TRAPPC11: variants seen among roughly 807,000 people sequenced by gnomAD.
TRAPPC11 encodes the protein foie gras homolog.
In TRAPPC11, 104 loss-of-function variants were observed where a neutral mutation model predicts 151.2. That is an observed-to-expected ratio of 0.69 (90% CI 0.59 to 0.81). The LOEUF (loss-of-function observed/expected upper bound fraction) is 0.81. Among genes scored for constraint, TRAPPC11 ranks in the 30% least tolerant of loss-of-function variants. The pLI is 0.00. For synonymous variants in TRAPPC11, 456 were observed against 472.3 expected, an observed-to-expected ratio of 0.97 and a Z score of 0.45; for missense variants, 1,230 against 1,349.6, an observed-to-expected ratio of 0.91 and a Z score of 1.39.
At position 183,686,610 on chromosome 4, in the gene TRAPPC11, A is replaced by G. The variant is rs1164079652; in HGVS notation, c.1763-8A>G. 1.4e-5 allele frequency: 23 copies of G among 1,613,082 alleles called. No homozygotes were observed. Among genetic ancestry groups the G allele is most frequent in the Non-Finnish European group, 1.9e-5 (22 of 1,179,620 alleles). On this transcript the variant is annotated splice_region_variant and splice_polypyrimidine_tract_variant and intron_variant, in intron 17 of 29. Coordinates refer to ENST00000334690, the MANE Select transcript of TRAPPC11 (RefSeq NM_021942.6). The stretch of plus-strand genomic sequence containing the variant: ...GTGCATAACACAGCCCTTTTGTTTT[A>G]TTTCTAGTGCAGTGCAAAGCCAAGT...
intron 25 of TRAPPC11, among the ~76,000 whole-genome samples, chr4:183,698,564 C>A (rs940869076): frequency 1.3e-5 from 2 of 152,178 alleles, no homozygotes; most frequent in East Asian, 3.8e-4. Flanking sequence ...TTCCTTTCAT[C>A]ACTTCTTAGA....
chr4:183,693,857 T>G, intron 21 of TRAPPC11, 60 bp from the exon 22 acceptor site: 2 of 1,602,458 alleles, frequency 1.2e-6, no homozygotes, highest in Non-Finnish European at 1.7e-6. Context: ...TCACACAGTA[T>G]TGATTATTGG....
At chr4:183,702,924 G>A (rs1468892711) in intron 26 of TRAPPC11, among the ~76,000 whole-genome samples, 1 of 152,146 alleles carries the variant, frequency 6.6e-6, no homozygotes, top group East Asian at 1.9e-4. Context: ...AGATCTGAAT[G>A]TTATGGCTGT....
In TRAPPC11 at chr4:183,684,135, T is replaced by G; in HGVS notation, c.1288-10T>G. ...TATTGAAATGTTTCACACTCTACTT[T>G]TTCTAATAGGAGATAATCATAACTC... On this transcript the variant is annotated splice_polypyrimidine_tract_variant and intron_variant, in intron 12 of 29. Coordinates refer to ENST00000334690, the MANE Select transcript of TRAPPC11 (RefSeq NM_021942.6). The G allele has an allele frequency of 6.2e-7, 1 of 1,612,576 alleles. No homozygotes were observed. The highest frequency in any genetic ancestry group is 8.5e-7 in the Non-Finnish European group (1 of 1,178,762).
rs1282998033 is a variant in TRAPPC11, at chr4:183,712,591, A to T, written c.3358-9A>T. 2 of 1,613,776 alleles carry T rather than the reference A, an allele frequency of 1.2e-6. No individual in the cohort carries two copies. The highest frequency in any genetic ancestry group is 1.7e-6 in the Non-Finnish European group (2 of 1,179,896). ...TTTGTAAACCCACTTTGTTTTTCCC[A>T]CTTTAAAGCCACAGGGTCGACTCAT... On this transcript the variant is annotated splice_polypyrimidine_tract_variant and intron_variant, in intron 29 of 29. Coordinates refer to ENST00000334690, the MANE Select transcript of TRAPPC11 (RefSeq NM_021942.6).
intron 29 of TRAPPC11, among the ~76,000 whole-genome samples, chr4:183,710,604 T>C (rs1737296182): frequency 6.6e-6 from 1 of 151,726 alleles, no homozygotes; most frequent in Admixed American, 6.6e-5. Flanking sequence ...TTAACATGAC[T>C]AGCATGCCCT....
At position 183,684,815 on chromosome 4, in the gene TRAPPC11, C is replaced by G. The variant is rs750015694; in HGVS notation, c.1541C>G (p.Thr514Ser). The G allele has an allele frequency of 6.2e-7, 1 of 1,613,774 alleles. No individual in the cohort carries two copies. ...YLMAQLKDYI[T>S]YSLELLGRAS... ...ATGGCCCAATTAAAGGATTACATTA[C>G]TTACTCCCTAGAACTCCTTGGTAGA... is the stretch of plus-strand genomic sequence containing the variant. The change falls in exon 15 of 30, where the codon ACT becomes AGT. Residue 514 changes from threonine to serine, a missense_variant. Thr to Ser is a moderately conservative substitution (Grantham distance 58). Coordinates refer to ENST00000334690, the MANE Select transcript of TRAPPC11 (RefSeq NM_021942.6).
intron 10 of TRAPPC11, 147 bp downstream of exon 10, chr4:183,680,414 CTT>C (rs1032662881): frequency 1.1e-5 from 10 of 929,246 alleles, no homozygotes; most frequent in Non-Finnish European, 1.3e-5. Flanking sequence ...TTACATTGAT[CTT>C]TGGTTTTAGC....
At chr4:183,682,463 T>C (rs1489609833) in intron 10 of TRAPPC11, among the ~76,000 whole-genome samples, 3 of 152,210 alleles carry the variant, frequency 2.0e-5, no homozygotes, top group Non-Finnish European at 4.4e-5. Flanking sequence ...TTTTTACTGG[T>C]TTATTAGAGC....
intron 27 of TRAPPC11, among the ~76,000 whole-genome samples, chr4:183,706,403 G>A (rs1417015805): frequency 6.6e-6 from 1 of 151,994 alleles, no homozygotes; most frequent in Admixed American, 6.6e-5. Flanking sequence ...GGCACCTGTA[G>A]TCCCAGCTAC....
intron 3 of TRAPPC11, 154 bp from the exon 4 acceptor site, chr4:183,666,906 T>C: frequency 1.8e-6 from 1 of 552,718 alleles, no homozygotes; most frequent in Non-Finnish European, 3.3e-6. Context: ...GTGACATATA[T>C]GTGCTTTGTG....
At position 183,684,685 on chromosome 4, in the gene TRAPPC11, T is replaced by C. The variant is rs1273636897; in HGVS notation, c.1422-11T>C. On this transcript the variant is annotated splice_polypyrimidine_tract_variant and intron_variant, in intron 14 of 29. Transcript: ENST00000334690. Reference sequence around the variant, plus strand: ...GAAGCCGGTTCAGTATTACATTTTGTCTTCTTTGAGGTTGCTGGATTATGT... The same window carrying C: ...GAAGCCGGTTCAGTATTACATTTTGCCTTCTTTGAGGTTGCTGGATTATGT... 1 of 1,613,304 alleles carries C rather than the reference T, an allele frequency of 6.2e-7. No homozygotes were observed. The highest frequency in any genetic ancestry group is 2.2e-5 in the East Asian group (1 of 44,838).
chr4:183,667,844 C>A, intron 4 of TRAPPC11, 159 bp from the exon 5 acceptor site: 2 of 637,648 alleles, frequency 3.1e-6, no homozygotes, highest in South Asian at 1.9e-5. Flanking sequence ...CTAAGAACCA[C>A]ACAGAGCTCT....
chr4:183,708,709 A>G (rs1201894000), intron 29 of TRAPPC11, 135 bp downstream of exon 29: 12 of 717,564 alleles, frequency 1.7e-5, no homozygotes, highest in Non-Finnish European at 2.7e-5. Context: ...TGTATTTGGC[A>G]GTATTGCTGT....
At chr4:183,669,438 A>G (rs1221373476) in intron 5 of TRAPPC11, among the ~76,000 whole-genome samples, 1 of 152,058 alleles carries the variant, frequency 6.6e-6, no homozygotes, top group East Asian at 1.9e-4. Context: ...GTGCTTTCCT[A>G]TTCACAGTGC....
At chr4:183,704,045 A>G (rs947632417) in intron 26 of TRAPPC11, among the ~76,000 whole-genome samples, 10 of 152,312 alleles carry the variant, frequency 6.6e-5, no homozygotes, top group Admixed American at 2.0e-4. Context: ...CTGAATTGAG[A>G]AAGTCTTGCT....
intron 26 of TRAPPC11, among the ~76,000 whole-genome samples, chr4:183,702,138 GT>G (rs564755459): frequency 2.0e-3 from 304 of 152,276 alleles, no homozygotes; most frequent in African/African-American, 6.9e-3. Flanking sequence ...GAGCTCAGGA[GT>G]TTGAGACCAG....
chr4:183,674,736 A>C lies in TRAPPC11; in HGVS notation c.584A>C (p.His195Pro). 1 of 1,563,462 alleles carries C rather than the reference A, an allele frequency of 6.4e-7. No individual in the cohort carries two copies. Among genetic ancestry groups the C allele is most frequent in the Non-Finnish European group, 8.6e-7 (1 of 1,159,164 alleles). ...IIRLENAFYEHAQTYYYTEIR... is the reference protein window; with the variant it reads ...IIRLENAFYEPAQTYYYTEIR... ...AGATTGGAAAATGCCTTTTATGAAC[A>C]TGCACAGACTTATTACTACACTGAG... The change falls in exon 6 of 30, where the codon CAT (histidine) becomes CCT (proline). Residue 195 changes from histidine (H) to proline (P), a missense_variant. Coordinates refer to ENST00000334690, the MANE Select transcript of TRAPPC11 (RefSeq NM_021942.6).
At chr4:183,697,482 G>A (rs1579212648) in intron 23 of TRAPPC11, 21 bp from the exon 24 acceptor site, 1 of 1,591,678 alleles carries the variant, frequency 6.3e-7, no homozygotes, top group Non-Finnish European at 8.5e-7. Flanking sequence ...CCATGAATGT[G>A]CCCTTTACAT....
Sources: gnomAD v4.1 joint callset for allele counts (sites outside exome capture counted in the v4.1 genomes callset) on GRCh38, gnomAD v4.1.1 for gene constraint, MANE v1.5 for transcripts, NCBI Gene and HGNC (gene_info 2026-07-23, HGNC 2026-07-21) for gene names.